The following CBFA2T3 variants were observed in gnomAD, a reference collection of about 807,000 sequenced individuals.
The protein encoded by CBFA2T3 is CBFA2/RUNX1 partner transcriptional co-repressor 3.
Under a neutral mutation model 58.6 loss-of-function variants are expected in CBFA2T3, and 31 were observed. The ratio of observed to expected loss-of-function variants is 0.53; its 90% CI spans 0.40 to 0.71. The LOEUF is 0.71. CBFA2T3 is among the 30% of genes least tolerant of loss of function. The pLI is 0.00. For missense variants in CBFA2T3, 1,076 were observed against 963.1 expected (o/e 1.12, Z -1.55); for synonymous variants, 531 against 421.9 (o/e 1.26, Z -3.17).
chr16:88,885,078 G>A lies in CBFA2T3; in HGVS notation c.1085C>T (p.Pro362Leu), dbSNP rs1454184408. 7 of 1,601,710 alleles carry A rather than the reference G, an allele frequency of 4.4e-6. No individual in the cohort carries two copies. The highest frequency in any genetic ancestry group is 1.7e-4 in the Middle Eastern group (1 of 6,058). ...HFRDAYRHPDPRELRERHRPL... is the reference protein window; with the variant it reads ...HFRDAYRHPDLRELRERHRPL... ...CCGATGGCGCTCTCGTAGCTCCCGGGGGTCTGGGTGGCGGTAGGCATCTCG... is the reference window on the plus strand; with the variant it reads ...CCGATGGCGCTCTCGTAGCTCCCGGAGGTCTGGGTGGCGGTAGGCATCTCG... Residue 362 changes from proline to leucine, a missense_variant, in exon 7 of 12, where the codon CCC (proline) becomes CTC (leucine). Physicochemically the swap from Pro to Leu is moderately conservative, Grantham distance 98 (BLOSUM62 -3). Transcript: ENST00000268679. This position sits in a 1 kb window ranked among gnomAD's most constrained non-coding sequence, Gnocchi z 5.3.
chr16:88,961,286 A>C (rs1972347535), intron 1 of CBFA2T3, among the ~76,000 whole-genome samples: 2 of 152,178 alleles, frequency 1.3e-5, no homozygotes, highest in African/African-American at 4.8e-5. Flanking sequence ...GACACACAGC[A>C]CTGGAGATTT....
chr16:88,909,333 G>A (rs1051890061), intron 1 of CBFA2T3, among the ~76,000 whole-genome samples: 1 of 152,206 alleles, frequency 6.6e-6, no homozygotes, highest in African/African-American at 2.4e-5. Flanking sequence ...CTCAGGCTCC[G>A]GGCCCTGCAA....
At chr16:88,931,416 C>T (rs1280943597) in intron 1 of CBFA2T3, among the ~76,000 whole-genome samples, 2 of 152,076 alleles carry the variant, frequency 1.3e-5, no homozygotes. Context: ...GGGTGGGAAG[C>T]GCTCACAAGG....
Position 88,905,057 on chromosome 16 carries a change from T to A in CBFA2T3, c.152-3401A>T, listed in dbSNP as rs866556398. Among the ~76,000 whole-genome samples, 5 of 150,908 alleles carry A rather than the reference T, an allele frequency of 3.3e-5. No homozygotes were observed. In the Middle Eastern group the frequency reaches 0.01, roughly 308 times the overall value. ...AAGATGAGGGGTGAGTGTGGAAAGG[T>A]AGAGGAACAGCATTTGTGGCCAAGA... On this transcript the variant is annotated intron_variant, in intron 1 of 11. Transcript: ENST00000268679.
At chr16:88,899,185 T>C (rs1205094823) in intron 2 of CBFA2T3, among the ~76,000 whole-genome samples, 1 of 151,124 alleles carries the variant, frequency 6.6e-6, no homozygotes, top group Non-Finnish European at 1.5e-5. Context: ...CAGTCTCCCA[T>C]CAGCTTGGCT....
chr16:88,973,980 C>T (rs1275417556), intron 1 of CBFA2T3, among the ~76,000 whole-genome samples: 1 of 152,204 alleles, frequency 6.6e-6, no homozygotes, highest in Non-Finnish European at 1.5e-5. Context: ...TGCTCACCAC[C>T]TCCCCGAGAT....
At chr16:88,941,320 C>T (rs1479504406) in intron 1 of CBFA2T3, 2 of 251,568 alleles carry the variant, frequency 8.0e-6, no homozygotes, top group East Asian at 1.8e-4. Flanking sequence ...GCCTGTGGCT[C>T]CAACGCCGCG....
chr16:88,898,107 C>T lies in CBFA2T3; in HGVS notation c.350G>A (p.Gly117Asp). The change falls in exon 3 of 12, where the codon GGC becomes GAC. Residue 117 changes from glycine (G) to aspartate (D), a missense_variant. Gly to Asp is a moderately conservative substitution (Grantham distance 94). Coordinates refer to ENST00000268679, the MANE Select transcript of CBFA2T3 (RefSeq NM_005187.6). ...ACAGACCATAGACCATTTTAAGCAG[C>T]CATGAAAACGGCCGTGGGGCAGCGT... ...PATLPHGRFH[G>D]CLKWSMVCLL... The T allele has an allele frequency of 1.9e-6, 3 of 1,613,336 alleles. No homozygotes were observed. Among genetic ancestry groups the T allele is most frequent in the South Asian group, 1.1e-5 (1 of 91,090 alleles).
At chr16:88,944,713 T>C (rs1971858537) in intron 1 of CBFA2T3, among the ~76,000 whole-genome samples, 1 of 152,250 alleles carries the variant, frequency 6.6e-6, no homozygotes, top group Non-Finnish European at 1.5e-5. Context: ...TATAAACACT[T>C]GCCACAGGCG....
intron 1 of CBFA2T3, among the ~76,000 whole-genome samples, chr16:88,947,452 C>A (rs1971931936): frequency 6.6e-6 from 1 of 152,192 alleles, no homozygotes; most frequent in African/African-American, 2.4e-5. Context: ...GTTTGAAAGT[C>A]TTTTGATTCC....
At position 88,901,683 on chromosome 16, in the gene CBFA2T3, C is replaced by T. The variant is rs377595020; in HGVS notation, c.152-27G>A. On this transcript the variant is annotated intron_variant, in intron 1 of 11. Coordinates refer to ENST00000268679, the MANE Select transcript of CBFA2T3 (RefSeq NM_005187.6). ...TGCGACCAACGGAGAAAGAAAGAGT[C>T]GGTGAAGCAGGCTAAGTGCAAAGGC... The T allele has an allele frequency of 8.9e-5, 135 of 1,515,634 alleles. 1 individual carries two copies. The South Asian group carries it at 1.3e-3, about 15-fold the overall frequency. 93.9% of individuals were successfully genotyped at this position (1,515,634 alleles called of 1,614,324 possible). A position where few individuals can be genotyped will look rare whatever the true frequency, so the allele number is the denominator to read the frequency against.
rs745797723 is a variant in CBFA2T3 at position 88,953,356 on chromosome 16, G to A, written c.151+23301C>T. 6.6e-6 allele frequency among the ~76,000 whole-genome samples: 1 copy of A among 152,132 alleles called. No individual in the cohort carries two copies. The highest frequency in any genetic ancestry group is 1.5e-5 in the Non-Finnish European group (1 of 68,026). On this transcript the variant is annotated intron_variant, in intron 1 of 11. Coordinates refer to ENST00000268679, the MANE Select transcript of CBFA2T3 (RefSeq NM_005187.6). This position sits in a 1 kb window ranked among gnomAD's most constrained non-coding sequence, Gnocchi z 4.9. ...GAACGAAGGAAGGAGTGAGCGTGGG[G>A]AGAGCCAGCCAGGCTCCCCATGTCC...
In CBFA2T3 at chr16:88,947,638, G is replaced by T. The variant is rs1413464046; in HGVS notation, c.151+29019C>A. Among the ~76,000 whole-genome samples, 3 of 152,352 alleles carry T rather than the reference G, an allele frequency of 2.0e-5. No individual in the cohort carries two copies. The East Asian group carries it at 5.8e-4, about 29-fold the overall frequency. On this transcript the variant is annotated intron_variant, in intron 1 of 11. Transcript: ENST00000268679. ...CTAATAAGGATACAAAGTAGGCTGG[G>T]CTTGGTGGCTCACACCTGTAATCCC...
intron 1 of CBFA2T3, among the ~76,000 whole-genome samples, chr16:88,969,279 C>A (rs1278354636): frequency 6.6e-6 from 1 of 152,190 alleles, no homozygotes; most frequent in Non-Finnish European, 1.5e-5. Flanking sequence ...CAAAACACAC[C>A]TGGACTTGGG....
chr16:88,902,801 C>G (rs908399683), intron 1 of CBFA2T3, among the ~76,000 whole-genome samples: 1 of 152,180 alleles, frequency 6.6e-6, no homozygotes, highest in Non-Finnish European at 1.5e-5. Context: ...TAGGCATCCT[C>G]AATCTGCTGA....
At chr16:88,934,941 C>T (rs965937919) in intron 1 of CBFA2T3, among the ~76,000 whole-genome samples, 4 of 152,158 alleles carry the variant, frequency 2.6e-5, no homozygotes, top group South Asian at 2.1e-4. Context: ...GGGGTTTCAC[C>T]GTGTTAGCCA....
rs549939579 is a variant in CBFA2T3 at position 88,911,014 on chromosome 16, C to A, written c.152-9358G>T. ...GCTTGTATCCAGCCTTCCTGCCTGG[C>A]GAATAAGCAGCCATATAAACACGGG... On this transcript the variant is annotated intron_variant, in intron 1 of 11. Coordinates refer to ENST00000268679, the MANE Select transcript of CBFA2T3 (RefSeq NM_005187.6). 2.6e-5 allele frequency among the ~76,000 whole-genome samples: 4 copies of A among 152,230 alleles called. No individual in the cohort carries two copies. The East Asian group carries it at 7.7e-4, about 29-fold the overall frequency.
At chr16:88,966,393 G>C (rs140865029) in intron 1 of CBFA2T3, among the ~76,000 whole-genome samples, 3 of 152,140 alleles carry the variant, frequency 2.0e-5, no homozygotes, top group African/African-American at 7.2e-5. Flanking sequence ...GCGGGGGATC[G>C]CGAGTCCACA....
chr16:88,875,574 C>T lies in CBFA2T3; in HGVS notation c.*1402G>A, dbSNP rs546172186. The T allele has an allele frequency of 2.2e-5, 5 of 231,438 alleles. No individual in the cohort carries two copies. The highest frequency in any genetic ancestry group is 1.7e-4 in the Admixed American group (3 of 17,532). 14.3% of individuals were successfully genotyped at this position (231,438 alleles called of 1,614,324 possible). A position where few individuals can be genotyped will look rare whatever the true frequency, so the allele number is the denominator to read the frequency against. On this transcript the variant is annotated 3_prime_UTR_variant, in exon 12 of 12. Coordinates refer to ENST00000268679, the MANE Select transcript of CBFA2T3 (RefSeq NM_005187.6). Reference sequence around the variant, plus strand: ...AGTAGCTGCGGTGGGGCGATGGGGCCGAGAGGTTGGAGTTGGGGCGATGGG... The same window carrying T: ...AGTAGCTGCGGTGGGGCGATGGGGCTGAGAGGTTGGAGTTGGGGCGATGGG...
Sources: allele counts gnomAD v4.1 joint callset (sites outside exome capture counted in the v4.1 genomes callset), GRCh38; gene constraint gnomAD v4.1.1; non-coding constraint Gnocchi (gnomAD v3.1); transcripts MANE v1.5; gene names NCBI Gene and HGNC (gene_info 2026-07-23, HGNC 2026-07-21).